The following KCNIP4 variants were observed in gnomAD, a reference collection of about 807,000 sequenced individuals.
The protein encoded by KCNIP4 is Kv channel-interacting protein 4.
KCNIP4 carries 12 observed loss-of-function variants against 34.0 expected under a neutral mutation model. The ratio of observed to expected loss-of-function variants is 0.35; its 90% CI spans 0.23 to 0.57. The LOEUF (loss-of-function observed/expected upper bound fraction) is 0.57, where lower values mean the gene tolerates loss of function less well. KCNIP4 is among the 20% of genes least tolerant of loss of function. KCNIP4 has a pLI of 0.83. For missense variants in KCNIP4, 238 were observed against 311.7 expected (o/e 0.76, Z 1.78); for synonymous variants, 124 against 102.2 (o/e 1.21, Z -1.29).
chr4:20,923,881 G>A (rs1202608152), intron 1 of KCNIP4, among the ~76,000 whole-genome samples: 2 of 151,844 alleles, frequency 1.3e-5, no homozygotes, highest in African/African-American at 4.8e-5. Context: ...AAAGTTCAAT[G>A]GACTCCAGTT....
At chr4:21,641,346 G>C (rs973859598) in intron 1 of KCNIP4, among the ~76,000 whole-genome samples, 8 of 152,198 alleles carry the variant, frequency 5.3e-5, no homozygotes, top group African/African-American at 1.9e-4. Context: ...ACATACAATA[G>C]ACAGCCACAG....
At chr4:21,911,060 G>A (rs773223830) in intron 1 of KCNIP4, among the ~76,000 whole-genome samples, 17 of 151,818 alleles carry the variant, frequency 1.1e-4, no homozygotes, top group Non-Finnish European at 1.9e-4. Context: ...ACAATGAGTT[G>A]ACAGCCTCAA....
At chr4:21,314,751 T>C (rs1359457131) in intron 1 of KCNIP4, among the ~76,000 whole-genome samples, 1 of 152,186 alleles carries the variant, frequency 6.6e-6, no homozygotes, top group Non-Finnish European at 1.5e-5. Context: ...AAACTCTGGC[T>C]ACCTAGTGTG....
intron 1 of KCNIP4, among the ~76,000 whole-genome samples, chr4:21,545,868 G>A (rs1738112738): frequency 6.6e-6 from 1 of 152,234 alleles, no homozygotes; most frequent in South Asian, 2.1e-4. Context: ...CTTTATGGTA[G>A]AATGATTTAT....
rs551762329 is a variant in KCNIP4 at position 20,949,141 on chromosome 4, G to A, written c.62-66432C>T. Among the ~76,000 whole-genome samples the A allele has an allele frequency of 1.1e-4, 16 of 152,234 alleles. No homozygotes were observed. In the South Asian group the frequency reaches 1.9e-3, roughly 18 times the overall value. ...AGCTCTTCTGAATAAGTGAGAGTAC[G>A]GTAACAGCGACTGCTCGCATGAGAG... On this transcript the variant is annotated intron_variant, in intron 1 of 8. Transcript: ENST00000382152.
intron 1 of KCNIP4, among the ~76,000 whole-genome samples, chr4:21,257,489 T>C (rs1233613384): frequency 6.6e-6 from 1 of 152,090 alleles, no homozygotes; most frequent in African/African-American, 2.4e-5. Flanking sequence ...GGCTCACACC[T>C]GTAATCCCGG....
intron 3 of KCNIP4, among the ~76,000 whole-genome samples, chr4:20,832,194 T>A (rs1006009810): frequency 6.6e-6 from 1 of 152,206 alleles, no homozygotes; most frequent in African/African-American, 2.4e-5. Context: ...TTATTATTTT[T>A]TTCCTTTCTC....
At chr4:20,889,560 T>A (rs553226924) in intron 1 of KCNIP4, among the ~76,000 whole-genome samples, 4 of 152,198 alleles carry the variant, frequency 2.6e-5, no homozygotes, top group African/African-American at 9.6e-5. Flanking sequence ...TCGTAAGACT[T>A]TTATTTTTTT....
At chr4:21,432,072 C>T (rs1726509456) in intron 1 of KCNIP4, among the ~76,000 whole-genome samples, 1 of 100,022 alleles carries the variant, frequency 1.0e-5, no homozygotes, top group Non-Finnish European at 1.9e-5. Flanking sequence ...ATAGTGTATT[C>T]AATGTGTGAA....
intron 6 of KCNIP4, among the ~76,000 whole-genome samples, chr4:20,733,326 C>T (rs1463984573): frequency 6.6e-6 from 1 of 152,114 alleles, no homozygotes; most frequent in Non-Finnish European, 1.5e-5. Context: ...CCCTGGGAAA[C>T]ACCTTTAAAT....
At chr4:21,716,591 C>T (rs1362529881) in intron 1 of KCNIP4, among the ~76,000 whole-genome samples, 3 of 152,032 alleles carry the variant, frequency 2.0e-5, no homozygotes. Flanking sequence ...TTCCTTAAAA[C>T]CCTGTAATGA....
chr4:21,297,546 T>C (rs1763911931), intron 1 of KCNIP4, among the ~76,000 whole-genome samples: 1 of 152,136 alleles, frequency 6.6e-6, no homozygotes, highest in Admixed American at 6.6e-5. Flanking sequence ...TTCATTAGCT[T>C]TTTCTTTGCA....
At chr4:21,237,276 C>G (rs1335684981) in intron 1 of KCNIP4, among the ~76,000 whole-genome samples, 1 of 152,094 alleles carries the variant, frequency 6.6e-6, no homozygotes, top group Non-Finnish European at 1.5e-5. Flanking sequence ...AGGTGCTTGT[C>G]TCATGGAGCT....
At chr4:21,371,799 T>A (rs1402599400) in intron 1 of KCNIP4, among the ~76,000 whole-genome samples, 6 of 147,226 alleles carry the variant, frequency 4.1e-5, no homozygotes, top group Non-Finnish European at 8.8e-5. Flanking sequence ...TCTCTAATAT[T>A]CAAATTCATC....
chr4:20,984,056 G>A, intron 1 of KCNIP4: 2 of 1,413,184 alleles, frequency 1.4e-6, no homozygotes, highest in Admixed American at 5.1e-5. Context: ...CCTGGCAGAT[G>A]CACCCTGCAA....
At chr4:21,154,872 A>G (rs1211988574) in intron 1 of KCNIP4, among the ~76,000 whole-genome samples, 1 of 152,166 alleles carries the variant, frequency 6.6e-6, no homozygotes, top group Non-Finnish European at 1.5e-5. Context: ...GTGTTTGACC[A>G]TGAGCTGAAC....
At chr4:21,615,555 A>G (rs893779518) in intron 1 of KCNIP4, among the ~76,000 whole-genome samples, 11 of 110,688 alleles carry the variant, frequency 9.9e-5, no homozygotes, top group Non-Finnish European at 2.1e-4. Context: ...CAAAAAAACA[A>G]AAAACAAAAC....
chr4:21,476,321 G>C (rs1457182015), intron 1 of KCNIP4, among the ~76,000 whole-genome samples: 1 of 152,074 alleles, frequency 6.6e-6, no homozygotes, highest in African/African-American at 2.4e-5. Flanking sequence ...GTTGTCCCTC[G>C]AATATCATAT....
rs1728500768 is a variant in KCNIP4, at chr4:21,914,240, G to T, written c.61+34331C>A. On this transcript the variant is annotated intron_variant, in intron 1 of 8. Coordinates refer to ENST00000382152, the MANE Select transcript of KCNIP4 (RefSeq NM_025221.6). ...TGAGCATAAGCCAAAAGATGATGGT[G>T]CCTGTTAAAGTAGTGGGAAAGAGGG... 2.0e-5 allele frequency among the ~76,000 whole-genome samples: 3 copies of T among 152,258 alleles called. No homozygotes were observed. In the South Asian group the frequency reaches 6.2e-4, roughly 32 times the overall value.
Sources: gnomAD v4.1 joint callset for allele counts (sites outside exome capture counted in the v4.1 genomes callset) on GRCh38, gnomAD v4.1.1 for gene constraint, MANE v1.5 for transcripts, NCBI Gene and HGNC (gene_info 2026-07-23, HGNC 2026-07-21) for gene names.